UBE4B: variants seen among roughly 807,000 people sequenced by gnomAD.
UBE4B encodes the protein ubiquitin conjugation factor E4 B.
A neutral mutation model predicts 148.1 loss-of-function variants in UBE4B; 27 were observed. That is an observed-to-expected ratio of 0.18 (90% CI 0.13 to 0.25). The LOEUF (loss-of-function observed/expected upper bound fraction) is 0.25, where lower values mean the gene tolerates loss of function less well. UBE4B is among the 10% of genes least tolerant of loss of function. UBE4B has a pLI of 1.00. For missense variants in UBE4B, 1,170 were observed against 1,662.4 expected (o/e 0.70, Z 5.15); for synonymous variants, 596 against 619.3 (o/e 0.96, Z 0.56).
chr1:10,125,991 G>A (rs898412606), intron 10 of UBE4B, among the ~76,000 whole-genome samples: 1 of 152,132 alleles, frequency 6.6e-6, no homozygotes, highest in African/African-American at 2.4e-5. Flanking sequence ...AATAAATGGG[G>A]AAAAGCTTTT....
At chr1:10,119,372 A>G (rs1645373982) in intron 8 of UBE4B, 141 bp from the exon 9 acceptor site, 1 of 711,958 alleles carries the variant, frequency 1.4e-6, no homozygotes, top group African/African-American at 1.8e-5. Flanking sequence ...AGGCACAGTT[A>G]CTGTAGCTCG....
chr1:10,126,096 C>T (rs903804421), intron 10 of UBE4B, among the ~76,000 whole-genome samples: 1 of 152,140 alleles, frequency 6.6e-6, no homozygotes, highest in Admixed American at 6.5e-5. Flanking sequence ...GTCAGGAGTT[C>T]GAAACCAGCG....
At chr1:10,059,998 G>A (rs1570800114) in intron 1 of UBE4B, among the ~76,000 whole-genome samples, 1 of 152,138 alleles carries the variant, frequency 6.6e-6, no homozygotes, top group Middle Eastern at 3.4e-3. Flanking sequence ...ACCATGCTAA[G>A]GCATGACCAA....
At chr1:10,074,305 TTCTC>T (rs929917077) in intron 2 of UBE4B, among the ~76,000 whole-genome samples, 2 of 151,996 alleles carry the variant, frequency 1.3e-5, no homozygotes, top group South Asian at 2.1e-4. Flanking sequence ...AGCAGTTCCT[TTCTC>T]TCTCTTGCTT....
intron 17 of UBE4B, among the ~76,000 whole-genome samples, chr1:10,137,847 C>T (rs1261623622): frequency 6.8e-6 from 1 of 147,718 alleles, no homozygotes; most frequent in African/African-American, 2.5e-5. Flanking sequence ...CTAGAACCTG[C>T]GTAGTCTGTC....
chr1:10,072,342 A>G (rs1644500859), intron 2 of UBE4B, 128 bp downstream of exon 2: 2 of 1,135,110 alleles, frequency 1.8e-6, no homozygotes, highest in South Asian at 3.0e-5. Flanking sequence ...TCCTCCAAGC[A>G]GTAGTTTAAA....
At chr1:10,179,861 T>C (rs1373037446) in intron 27 of UBE4B, 34 bp from the exon 28 acceptor site, 1 of 1,611,254 alleles carries the variant, frequency 6.2e-7, no homozygotes, top group South Asian at 1.1e-5. Context: ...CCCTCCCATC[T>C]GGGGCATTAA....
At chr1:10,143,377 G>C (rs1439964632) in intron 17 of UBE4B, among the ~76,000 whole-genome samples, 1 of 151,910 alleles carries the variant, frequency 6.6e-6, no homozygotes, top group African/African-American at 2.4e-5. Context: ...CTCCAGCCTG[G>C]GCAATAGAGT....
chr1:10,092,274 G>T (rs1197687371), intron 2 of UBE4B, among the ~76,000 whole-genome samples: 1 of 151,900 alleles, frequency 6.6e-6, no homozygotes, highest in Non-Finnish European at 1.5e-5. Context: ...ACCCAGGCCG[G>T]AGTGCCGTGG....
At chr1:10,165,615 C>T (rs1323136013) in intron 23 of UBE4B, among the ~76,000 whole-genome samples, 1 of 152,168 alleles carries the variant, frequency 6.6e-6, no homozygotes, top group Non-Finnish European at 1.5e-5. Context: ...ACAGTCTCTT[C>T]TCCACTCACT....
At chr1:10,118,462 T>C (rs562537524) in intron 8 of UBE4B, among the ~76,000 whole-genome samples, 2 of 151,448 alleles carry the variant, frequency 1.3e-5, no homozygotes, top group Non-Finnish European at 1.5e-5. Context: ...CTCAGCCTCC[T>C]GAGTAGCTGG....
chr1:10,156,588 G>A (rs1158219325), intron 21 of UBE4B, among the ~76,000 whole-genome samples: 1 of 152,144 alleles, frequency 6.6e-6, no homozygotes, highest in Non-Finnish European at 1.5e-5. Context: ...ACTATATTCA[G>A]AATTGGGTGC....
chr1:10,044,426 G>A (rs1322565352), intron 1 of UBE4B, among the ~76,000 whole-genome samples: 2 of 152,016 alleles, frequency 1.3e-5, no homozygotes. Flanking sequence ...TTGGCACCAG[G>A]GACTGGTTTC....
chr1:10,064,399 T>C (rs1254041679), intron 1 of UBE4B, among the ~76,000 whole-genome samples: 2 of 152,212 alleles, frequency 1.3e-5, no homozygotes, highest in African/African-American at 4.8e-5. Flanking sequence ...CTCCGAGGAA[T>C]TGTAGTATTT....
chr1:10,081,216 C>T (rs1462408262), intron 2 of UBE4B, among the ~76,000 whole-genome samples: 1 of 151,950 alleles, frequency 6.6e-6, no homozygotes, highest in African/African-American at 2.4e-5. Flanking sequence ...GCCTGTGCCA[C>T]CATGCCTGGC....
chr1:10,130,576 T>G lies in UBE4B; in HGVS notation c.1772T>G (p.Leu591Ter). 6.2e-7 allele frequency: 1 copy of G among 1,614,212 alleles called. No homozygotes were observed. The highest frequency in any genetic ancestry group is 8.5e-7 in the Non-Finnish European group (1 of 1,180,042). The change falls in exon 13 of 28, where the codon TTA becomes TGA. Residue 591 changes from leucine to a stop codon, truncating the protein, a stop_gained. Transcript: ENST00000343090. LOFTEE classifies it high-confidence loss of function. ...CGRELQRLSY[L>*]GAFFSFSVFA... ...CGGGAGCTGCAGAGACTCTCTTACT[T>G]AGGGGCTTTCTTTAGCTTCTCAGTC...
chr1:10,140,346 T>G (rs1216374487), intron 17 of UBE4B, among the ~76,000 whole-genome samples: 5 of 152,248 alleles, frequency 3.3e-5, no homozygotes, highest in Admixed American at 3.3e-4. Flanking sequence ...ATTTGTGTCT[T>G]TTGAAGTTTA....
chr1:10,154,103 C>A (rs1428183149), intron 21 of UBE4B, among the ~76,000 whole-genome samples: 1 of 151,994 alleles, frequency 6.6e-6, no homozygotes, highest in Non-Finnish European at 1.5e-5. Flanking sequence ...ATTAGCTGGA[C>A]ATGGTGGCAT....
chr1:10,148,012 G>A (rs1431409343), intron 19 of UBE4B, among the ~76,000 whole-genome samples: 1 of 152,118 alleles, frequency 6.6e-6, no homozygotes, highest in Non-Finnish European at 1.5e-5. Context: ...TGGATCACAT[G>A]GTCAGGAGAT....
Sources: allele counts gnomAD v4.1 joint callset (sites outside exome capture counted in the v4.1 genomes callset), GRCh38; gene constraint gnomAD v4.1.1; transcripts MANE v1.5; gene names NCBI Gene and HGNC (gene_info 2026-07-23, HGNC 2026-07-21).